Variants in UST observed in about 807,000 individuals in gnomAD.
UST encodes the protein chondroitin sulfate 2-O-sulfotransferase.
UST carries 21 observed loss-of-function variants against 45.6 expected under a neutral mutation model. The ratio of observed to expected loss-of-function variants is 0.46; its 90% CI spans 0.33 to 0.66. UST has a LOEUF of 0.66. Ranked by LOEUF, UST falls within the 30% of genes least tolerant of loss-of-function variation. UST has a pLI of 0.02. For missense variants in UST, 463 were observed against 512.4 expected (o/e 0.90, Z 0.93); for synonymous variants, 215 against 200.6 (o/e 1.07, Z -0.61).
chr6:148,751,436 C>T (rs1292438443), intron 1 of UST, among the ~76,000 whole-genome samples: 3 of 152,064 alleles, frequency 2.0e-5, no homozygotes, highest in Admixed American at 1.3e-4. Flanking sequence ...TGGGGAAGGA[C>T]GAGAACAGAG....
chr6:148,992,900 C>A, intron 5 of UST: 1 of 740,352 alleles, frequency 1.4e-6, no homozygotes, highest in Non-Finnish European at 1.6e-6. Flanking sequence ...CAGACCTCTT[C>A]TCAGAATGTT....
At chr6:148,812,570 G>T (rs1232930411) in intron 1 of UST, among the ~76,000 whole-genome samples, 1 of 152,138 alleles carries the variant, frequency 6.6e-6, no homozygotes, top group Admixed American at 6.5e-5. Flanking sequence ...GGGCTTCACT[G>T]GGGCTGGAGG....
intron 1 of UST, among the ~76,000 whole-genome samples, chr6:148,788,835 A>G (rs1015518920): frequency 5.9e-5 from 9 of 152,238 alleles, no homozygotes; most frequent in Non-Finnish European, 1.2e-4. Flanking sequence ...TTTTTACTTA[A>G]GGGCTCAGCT....
At chr6:148,825,792 TG>T (rs1348003043) in intron 1 of UST, among the ~76,000 whole-genome samples, 1 of 151,994 alleles carries the variant, frequency 6.6e-6, no homozygotes, top group South Asian at 2.1e-4. Flanking sequence ...TTTCCCATGG[TG>T]GGGGGAGGAG....
chr6:148,895,374 C>G lies in UST; in HGVS notation c.291+8345C>G, dbSNP rs147484737. ...GACAATTCATTTAAGACAAAGTTAC[C>G]GAAGAGAGAGATCCTGTTGCCACAC... On this transcript the variant is annotated intron_variant, in intron 2 of 7. Transcript: ENST00000367463. Among the ~76,000 whole-genome samples the G allele has an allele frequency of 1.2e-4, 19 of 152,176 alleles. No homozygotes were observed. In the East Asian group the frequency reaches 3.7e-3, roughly 29 times the overall value.
intron 1 of UST, among the ~76,000 whole-genome samples, chr6:148,808,206 G>C (rs959225774): frequency 6.6e-6 from 1 of 152,180 alleles, no homozygotes; most frequent in Admixed American, 6.5e-5. Context: ...CTCCAGGCAG[G>C]CCGTGAGGGA....
At chr6:148,903,617 T>A (rs1255050649) in intron 2 of UST, among the ~76,000 whole-genome samples, 1 of 152,244 alleles carries the variant, frequency 6.6e-6, no homozygotes, top group Non-Finnish European at 1.5e-5. Flanking sequence ...GACAGACAGT[T>A]TGAGACGTGC....
At chr6:148,855,054 G>A (rs971700797) in intron 1 of UST, among the ~76,000 whole-genome samples, 1 of 152,132 alleles carries the variant, frequency 6.6e-6, no homozygotes, top group Non-Finnish European at 1.5e-5. Context: ...AAGAGAGAGA[G>A]CTTGTACAGG....
intron 5 of UST, among the ~76,000 whole-genome samples, chr6:149,005,086 G>A (rs896881758): frequency 7.9e-5 from 12 of 152,064 alleles, no homozygotes; most frequent in African/African-American, 2.7e-4. Flanking sequence ...CAGCATGCTG[G>A]CCTAGAGCAA....
intron 1 of UST, among the ~76,000 whole-genome samples, chr6:148,754,911 C>T (rs1402821547): frequency 1.3e-5 from 2 of 152,112 alleles, no homozygotes; most frequent in Non-Finnish European, 2.9e-5. Context: ...TCCTGGGGGT[C>T]TTGTTTTACA....
chr6:148,832,275 C>T (rs377432270), intron 1 of UST, among the ~76,000 whole-genome samples: 86 of 152,304 alleles, frequency 5.6e-4, no homozygotes, highest in African/African-American at 2.0e-3. Context: ...TGACTTTAAA[C>T]CAAACACCGT....
At chr6:148,904,667 G>T (rs1779324140) in intron 2 of UST, among the ~76,000 whole-genome samples, 1 of 152,016 alleles carries the variant, frequency 6.6e-6, no homozygotes, top group Non-Finnish European at 1.5e-5. Flanking sequence ...GGGATTACAG[G>T]CACCCACCAC....
chr6:148,873,320 AT>A, intron 1 of UST, among the ~76,000 whole-genome samples: 1 of 151,926 alleles, frequency 6.6e-6, no homozygotes, highest in Non-Finnish European at 1.5e-5. Flanking sequence ...GGCTGCTGAG[AT>A]GGGGGCCCCC....
chr6:148,916,225 C>T (rs901187830), intron 2 of UST, among the ~76,000 whole-genome samples: 16 of 152,102 alleles, frequency 1.1e-4, no homozygotes, highest in African/African-American at 3.9e-4. Context: ...TATTACTAGC[C>T]ATTTTACGGA....
At chr6:148,769,883 T>A (rs912146292) in intron 1 of UST, among the ~76,000 whole-genome samples, 16 of 149,310 alleles carry the variant, frequency 1.1e-4, no homozygotes, top group African/African-American at 3.2e-4. Context: ...TTTTTTTTTT[T>A]ATAGGAAAAG....
intron 6 of UST, among the ~76,000 whole-genome samples, chr6:149,020,045 A>T (rs535420181): frequency 6.6e-6 from 1 of 152,248 alleles, no homozygotes; most frequent in Non-Finnish European, 1.5e-5. Flanking sequence ...AAGTGACATT[A>T]TTCCCCAAAG....
intron 1 of UST, among the ~76,000 whole-genome samples, chr6:148,804,829 A>C (rs1777116772): frequency 6.9e-6 from 1 of 144,230 alleles, no homozygotes; most frequent in Non-Finnish European, 1.6e-5. Flanking sequence ...TATATATATA[A>C]ATATATATAT....
intron 1 of UST, among the ~76,000 whole-genome samples, chr6:148,860,955 C>A (rs149474543): frequency 6.6e-6 from 1 of 152,088 alleles, no homozygotes; most frequent in African/African-American, 2.4e-5. Context: ...GTCTAAAATT[C>A]TCTGTTTTTG....
chr6:149,033,417 G>A (rs1776186213), intron 7 of UST, among the ~76,000 whole-genome samples: 1 of 152,180 alleles, frequency 6.6e-6, no homozygotes, highest in Non-Finnish European at 1.5e-5. Flanking sequence ...TCATGTCTCA[G>A]ACATTTTTAT....
Sources: gnomAD v4.1 joint callset for allele counts (sites outside exome capture counted in the v4.1 genomes callset) on GRCh38, gnomAD v4.1.1 for gene constraint, MANE v1.5 for transcripts, NCBI Gene and HGNC (gene_info 2026-07-23, HGNC 2026-07-21) for gene names.